Variants in RBFOX1 observed in about 807,000 individuals in gnomAD.
The protein encoded by RBFOX1 is RNA binding protein fox-1 homolog 1.
In RBFOX1, 8 loss-of-function variants were observed where a neutral mutation model predicts 57.7. The ratio of observed to expected loss-of-function variants is 0.14; its 90% confidence interval spans 0.08 to 0.25. The LOEUF is 0.25. Ranked by LOEUF, RBFOX1 falls within the 10% of genes least tolerant of loss-of-function variation. The pLI, the probability that RBFOX1 is intolerant of heterozygous loss-of-function variation, is 1.00. For synonymous variants in RBFOX1, 326 were observed against 222.4 expected, an observed-to-expected ratio of 1.47 and a Z score of -4.15; for missense variants, 611 against 548.5, an observed-to-expected ratio of 1.11 and a Z score of -1.14.
At chr16:5,606,360 C>T (rs1205509782) in intron 3 of RBFOX1, among the ~76,000 whole-genome samples, 2 of 152,030 alleles carry the variant, frequency 1.3e-5, no homozygotes, top group Non-Finnish European at 2.9e-5. Flanking sequence ...AACCATTCAT[C>T]CATAGTCATC....
intron 2 of RBFOX1, among the ~76,000 whole-genome samples, chr16:6,557,132 CATATATACATATAT>C (rs2097114861): frequency 7.0e-6 from 1 of 142,854 alleles, no homozygotes; most frequent in Non-Finnish European, 1.5e-5. Flanking sequence ...CATACATATA[CATATATACATATAT>C]ACACACATAT....
At chr16:7,451,603 A>G (rs947773574) in intron 4 of RBFOX1, among the ~76,000 whole-genome samples, 17 of 152,174 alleles carry the variant, frequency 1.1e-4, no homozygotes, top group Non-Finnish European at 1.9e-4. Context: ...GGTGAGTTGC[A>G]AATATTCTTA....
intron 4 of RBFOX1, among the ~76,000 whole-genome samples, chr16:7,081,911 T>C (rs61508689): frequency 0.11 from 17,438 of 152,136 alleles, 3,097 homozygotes; most frequent in African/African-American, 0.38. Context: ...TTTGGGATAA[T>C]GTAGTAGAAA....
chr16:6,717,141 A>T (rs2154157508), intron 3 of RBFOX1, among the ~76,000 whole-genome samples: 1 of 152,298 alleles, frequency 6.6e-6, no homozygotes. Flanking sequence ...ACCGTGAGAA[A>T]TAAATGTGTG....
chr16:5,874,850 C>T (rs190512834), intron 4 of RBFOX1, among the ~76,000 whole-genome samples: 82 of 152,152 alleles, frequency 5.4e-4, no homozygotes, highest in African/African-American at 1.3e-3. Context: ...GAGGCTGAGA[C>T]GGGAGGATCA....
At chr16:6,455,633 C>T (rs553183129) in intron 2 of RBFOX1, among the ~76,000 whole-genome samples, 24 of 152,220 alleles carry the variant, frequency 1.6e-4, no homozygotes, top group African/African-American at 5.3e-4. Flanking sequence ...CGAGGCTTAC[C>T]ATATAGACAG....
chr16:6,374,428 C>G (rs2090902924), intron 2 of RBFOX1, among the ~76,000 whole-genome samples: 1 of 152,140 alleles, frequency 6.6e-6, no homozygotes, highest in Non-Finnish European at 1.5e-5. Context: ...AAGTAAGTAG[C>G]AAATTCTTCT....
At chr16:6,055,334 T>C (rs1193208011) in intron 1 of RBFOX1, among the ~76,000 whole-genome samples, 1 of 151,960 alleles carries the variant, frequency 6.6e-6, no homozygotes, top group African/African-American at 2.4e-5. Context: ...GGCTCACACT[T>C]ATAATCCCAG....
At chr16:6,966,763 C>CTATCTATA (rs1274936809) in intron 3 of RBFOX1, among the ~76,000 whole-genome samples, 12 of 21,752 alleles carry the variant, frequency 5.5e-4, no homozygotes, top group African/African-American at 1.5e-3. Flanking sequence ...GTCTGTCTGT[C>CTATCTATA]TATCTATCTA....
At chr16:5,960,355 A>T (rs1209093063) in intron 4 of RBFOX1, among the ~76,000 whole-genome samples, 1 of 152,216 alleles carries the variant, frequency 6.6e-6, no homozygotes, top group East Asian at 1.9e-4. Flanking sequence ...TCACACGGAT[A>T]CGGAGTGGAA....
chr16:6,836,169 T>A (rs1432336250), intron 3 of RBFOX1, among the ~76,000 whole-genome samples: 1 of 152,232 alleles, frequency 6.6e-6, no homozygotes, highest in Admixed American at 6.5e-5. Flanking sequence ...CGTCACCGGG[T>A]AACGCATTAT....
intron 2 of RBFOX1, chr16:6,483,670 G>A: frequency 2.8e-6 from 4 of 1,434,220 alleles, no homozygotes; most frequent in Non-Finnish European, 3.7e-6. Context: ...TGACTCCGCG[G>A]GAGGGGGTTG....
At chr16:5,989,634 C>T (rs1435347996) in intron 4 of RBFOX1, among the ~76,000 whole-genome samples, 2 of 151,924 alleles carry the variant, frequency 1.3e-5, no homozygotes, top group African/African-American at 4.8e-5. Flanking sequence ...TGCTTTTCTG[C>T]CCTTCACCTC....
chr16:6,395,697 T>C (rs1009559609), intron 2 of RBFOX1, among the ~76,000 whole-genome samples: 2 of 152,198 alleles, frequency 1.3e-5, no homozygotes, highest in Non-Finnish European at 2.9e-5. Flanking sequence ...ATACCATCTA[T>C]ATACTTATAT....
intron 4 of RBFOX1, among the ~76,000 whole-genome samples, chr16:5,925,853 T>C (rs182196590): frequency 6.6e-6 from 1 of 152,272 alleles, no homozygotes; most frequent in East Asian, 1.9e-4. Context: ...TGGGCCCCTC[T>C]CAGCACTGCT....
At chr16:7,040,252 C>T (rs976384085) in intron 3 of RBFOX1, among the ~76,000 whole-genome samples, 2 of 151,994 alleles carry the variant, frequency 1.3e-5, no homozygotes, top group African/African-American at 4.8e-5. Context: ...ATCTCTTGAC[C>T]TCATGGTCCT....
intron 3 of RBFOX1, among the ~76,000 whole-genome samples, chr16:6,893,386 C>G (rs922813954): frequency 1.9e-4 from 29 of 152,280 alleles, no homozygotes; most frequent in African/African-American, 7.0e-4. Context: ...AAAAAGAAGG[C>G]TTTCTTTATC....
At chr16:5,423,281 A>G (rs945050056) in intron 1 of RBFOX1, among the ~76,000 whole-genome samples, 3 of 152,074 alleles carry the variant, frequency 2.0e-5, no homozygotes, top group Non-Finnish European at 2.9e-5. Flanking sequence ...CATTGGTGCC[A>G]TCTGTTCACT....
intron 3 of RBFOX1, among the ~76,000 whole-genome samples, chr16:6,780,627 GTTTCT>G (rs1461067299): frequency 7.4e-6 from 1 of 135,102 alleles, no homozygotes; most frequent in Non-Finnish European, 1.6e-5. Flanking sequence ...TTAGTTGTTG[GTTTCT>G]TTTCTTTCTT....
Sources: gnomAD v4.1 joint callset for allele counts (sites outside exome capture counted in the v4.1 genomes callset) on GRCh38, gnomAD v4.1.1 for gene constraint, MANE v1.5 for transcripts, NCBI Gene and HGNC (gene_info 2026-07-23, HGNC 2026-07-21) for gene names.